EYS: variants seen among roughly 807,000 people sequenced by gnomAD.
EYS encodes the protein protein eyes shut homolog.
Under a neutral mutation model 282.1 loss-of-function variants are expected in EYS, and 250 were observed. The observed-to-expected ratio is 0.89, with a 90% CI of 0.80 to 0.98. The LOEUF (loss-of-function observed/expected upper bound fraction) is 0.98. Among genes scored for constraint, EYS ranks in the 50% least tolerant of loss-of-function variants. The pLI is 0.00. For synonymous variants in EYS, 1,355 were observed against 1,282.9 expected (o/e 1.06, Z -1.20); for missense variants, 4,016 against 3,709.0 (o/e 1.08, Z -2.15).
chr6:65,249,706 T>A (rs530245125), intron 12 of EYS, among the ~76,000 whole-genome samples: 1 of 152,104 alleles, frequency 6.6e-6, no homozygotes, highest in South Asian at 2.1e-4. Context: ...AAACACTTTT[T>A]TCTTTGAATT....
intron 22 of EYS, among the ~76,000 whole-genome samples, chr6:64,676,963 C>T (rs1562128211): frequency 6.6e-6 from 1 of 152,220 alleles, no homozygotes; most frequent in East Asian, 1.9e-4. Flanking sequence ...CATAAACATT[C>T]CATCCACTTT....
chr6:64,538,427 C>A (rs1764596013), intron 26 of EYS, among the ~76,000 whole-genome samples: 1 of 152,102 alleles, frequency 6.6e-6, no homozygotes, highest in South Asian at 2.1e-4. Flanking sequence ...GTAAGGTATG[C>A]ATATTTAGTC....
At chr6:65,612,589 G>A (rs1343349774) in intron 2 of EYS, among the ~76,000 whole-genome samples, 2 of 151,704 alleles carry the variant, frequency 1.3e-5, no homozygotes, top group East Asian at 1.9e-4. Context: ...CTATTGCTGA[G>A]TTAACTAAGC....
At chr6:64,416,081 AT>A (rs936791684) in intron 28 of EYS, among the ~76,000 whole-genome samples, 4 of 152,130 alleles carry the variant, frequency 2.6e-5, no homozygotes, top group African/African-American at 9.7e-5. Context: ...AGAAAACTGA[AT>A]TGGAGGCAGA....
At chr6:65,001,086 C>T (rs1409714066) in intron 13 of EYS, among the ~76,000 whole-genome samples, 3 of 151,818 alleles carry the variant, frequency 2.0e-5, no homozygotes, top group Non-Finnish European at 4.4e-5. Flanking sequence ...GGGGTGGATG[C>T]CTGCAACCCC....
chr6:64,205,856 TAGAGAGAGAG>T (rs35786372), intron 31 of EYS, among the ~76,000 whole-genome samples: 1 of 149,070 alleles, frequency 6.7e-6, no homozygotes, highest in Non-Finnish European at 1.5e-5. Context: ...TATATATATA[TAGAGAGAGAG>T]AGAGAGAGAA....
intron 13 of EYS, among the ~76,000 whole-genome samples, chr6:65,047,691 G>C (rs1236505449): frequency 6.6e-6 from 1 of 151,872 alleles, no homozygotes; most frequent in African/African-American, 2.4e-5. Flanking sequence ...AAGTGTGATT[G>C]GATCCTAGCA....
intron 36 of EYS, among the ~76,000 whole-genome samples, chr6:63,811,175 A>G (rs7762059): frequency 0.4 from 60,667 of 151,964 alleles, 13,324 homozygotes; most frequent in African/African-American, 0.57. Flanking sequence ...ATTCCCCTCT[A>G]GCTACTGCAT....
intron 35 of EYS, among the ~76,000 whole-genome samples, chr6:63,965,983 C>A (rs1766290257): frequency 6.6e-6 from 1 of 152,192 alleles, no homozygotes; most frequent in Non-Finnish European, 1.5e-5. Flanking sequence ...TGAGCTTGAG[C>A]AAAGTGTTTA....
intron 31 of EYS, among the ~76,000 whole-genome samples, chr6:64,178,725 A>G (rs1421516090): frequency 6.6e-6 from 1 of 152,064 alleles, no homozygotes; most frequent in African/African-American, 2.4e-5. Context: ...AAAGCACTTT[A>G]AACGCAGTGA....
chr6:64,828,957 AAGCAAAAGGGACAT>A (rs1386554339), intron 19 of EYS, among the ~76,000 whole-genome samples: 1 of 151,988 alleles, frequency 6.6e-6, no homozygotes, highest in Non-Finnish European at 1.5e-5. Context: ...CAAGAAGGTA[AAGCAAAAGGGACAT>A]CCTTCGGATG....
At chr6:65,588,954 TA>T (rs1765144682) in intron 2 of EYS, among the ~76,000 whole-genome samples, 1 of 152,066 alleles carries the variant, frequency 6.6e-6, no homozygotes, top group South Asian at 2.1e-4. Context: ...TTGAAACCCC[TA>T]AATTAACTTT....
chr6:63,817,813 G>C (rs1235332742), intron 36 of EYS, among the ~76,000 whole-genome samples: 4 of 152,166 alleles, frequency 2.6e-5, no homozygotes, highest in African/African-American at 9.7e-5. Flanking sequence ...GCAGTTGGTT[G>C]GATTCTTTAT....
chr6:64,892,303 A>G (rs1168280270), intron 18 of EYS, among the ~76,000 whole-genome samples: 1 of 151,904 alleles, frequency 6.6e-6, no homozygotes. Flanking sequence ...ATAATTATTA[A>G]ATAGATTGAA....
intron 26 of EYS, among the ~76,000 whole-genome samples, chr6:64,584,862 G>A (rs569717977): frequency 6.6e-6 from 1 of 151,944 alleles, no homozygotes; most frequent in Admixed American, 6.6e-5. Flanking sequence ...ACTATAAAAT[G>A]TACTCACTAT....
intron 19 of EYS, among the ~76,000 whole-genome samples, chr6:64,878,308 A>G (rs889534937): frequency 6.6e-6 from 1 of 152,140 alleles, no homozygotes; most frequent in Non-Finnish European, 1.5e-5. Flanking sequence ...GGAATGTGGA[A>G]AAACAGAAAA....
chr6:64,708,740 A>G (rs551791063), intron 22 of EYS, among the ~76,000 whole-genome samples: 137 of 152,324 alleles, frequency 9.0e-4, no homozygotes, highest in African/African-American at 3.2e-3. Flanking sequence ...CACTACATGT[A>G]TAGCATCTAC....
At chr6:65,224,419 T>C (rs1285273714) in intron 12 of EYS, among the ~76,000 whole-genome samples, 1 of 152,120 alleles carries the variant, frequency 6.6e-6, no homozygotes, top group South Asian at 2.1e-4. Context: ...AAGGAGTACT[T>C]GGAAGAAATT....
In EYS at chr6:64,590,709, C is replaced by T. The variant is rs1766378393; in HGVS notation, c.5158G>A (p.Glu1720Lys). 1 of 1,551,088 alleles carries T rather than the reference C, an allele frequency of 6.4e-7. No individual in the cohort carries two copies. Among genetic ancestry groups the T allele is most frequent in the African/African-American group, 1.4e-5 (1 of 73,102 alleles). The change falls in exon 26 of 43, where the codon GAG becomes AAG. Residue 1720 changes from glutamate to lysine, a missense_variant. Glu to Lys is a moderately conservative substitution (Grantham distance 56). Coordinates refer to ENST00000503581, the MANE Select transcript of EYS (RefSeq NM_001142800.2). ...CTTTTTTCCATGTCCAATAAGCTCT[C>T]TTGATTTAGTACCTCAGTGGGTCCC... ...TMGPTEVLNQ[E>K]SLLDMEKSKG...
Sources: allele counts gnomAD v4.1 joint callset (sites outside exome capture counted in the v4.1 genomes callset), GRCh38; gene constraint gnomAD v4.1.1; transcripts MANE v1.5; gene names NCBI Gene and HGNC (gene_info 2026-07-23, HGNC 2026-07-21).